CACNA2D3: variants seen among roughly 807,000 people sequenced by gnomAD.
CACNA2D3 encodes the protein voltage-dependent calcium channel subunit alpha-2/delta-3.
CACNA2D3 carries 60 observed loss-of-function variants against 160.6 expected under a neutral mutation model. That is an observed-to-expected ratio of 0.37 (90% CI 0.30 to 0.46). CACNA2D3 has a LOEUF of 0.46. CACNA2D3 is among the 20% of genes least tolerant of loss of function. CACNA2D3 has a pLI of 1.00. For missense variants in CACNA2D3, 1,205 were observed against 1,365.0 expected, an observed-to-expected ratio of 0.88 and a Z score of 1.85; for synonymous variants, 558 against 492.9, an observed-to-expected ratio of 1.13 and a Z score of -1.75.
intron 9 of CACNA2D3, among the ~76,000 whole-genome samples, chr3:54,601,413 GCCCAA>G (rs1703057945): frequency 6.6e-6 from 1 of 152,054 alleles, no homozygotes; most frequent in Admixed American, 6.6e-5. Flanking sequence ...CTGCTGTGTT[GCCCAA>G]GCTGGTCTGT....
chr3:54,189,789 C>T (rs530308527), intron 2 of CACNA2D3, among the ~76,000 whole-genome samples: 1 of 152,334 alleles, frequency 6.6e-6, no homozygotes, highest in East Asian at 1.9e-4. Context: ...TCTTCCCCAT[C>T]AGCTACAATT....
chr3:54,913,476 T>A (rs747402940), intron 27 of CACNA2D3, among the ~76,000 whole-genome samples: 20 of 152,216 alleles, frequency 1.3e-4, no homozygotes, highest in Non-Finnish European at 2.8e-4. Context: ...TTTTCTCAAA[T>A]AATTTCAAGA....
intron 3 of CACNA2D3, among the ~76,000 whole-genome samples, chr3:54,383,632 T>C (rs1380388387): frequency 6.6e-6 from 1 of 152,102 alleles, no homozygotes; most frequent in Admixed American, 6.5e-5. Context: ...CGGCAGCACA[T>C]GTACTAAAAT....
intron 12 of CACNA2D3, among the ~76,000 whole-genome samples, chr3:54,758,449 A>G (rs1282715706): frequency 3.9e-5 from 6 of 151,986 alleles, no homozygotes; most frequent in African/African-American, 1.4e-4. Context: ...CTCCAACACC[A>G]TGAATATGGG....
intron 2 of CACNA2D3, among the ~76,000 whole-genome samples, chr3:54,154,696 A>G (rs1477156694): frequency 6.6e-6 from 1 of 152,220 alleles, no homozygotes; most frequent in Non-Finnish European, 1.5e-5. Flanking sequence ...GAGTCTGGCC[A>G]AGTGAGGTTT....
chr3:55,073,939 TG>T, intron 37 of CACNA2D3, 80 bp downstream of exon 37: 1 of 1,257,688 alleles, frequency 8.0e-7, no homozygotes, highest in Non-Finnish European at 1.2e-6. Context: ...GAACTACAGC[TG>T]AAAAGTTCAC....
chr3:54,784,559 C>T (rs1702598342), intron 13 of CACNA2D3, among the ~76,000 whole-genome samples: 1 of 152,074 alleles, frequency 6.6e-6, no homozygotes, highest in South Asian at 2.1e-4. Flanking sequence ...TGCAAATGTT[C>T]ACCTCCAAAT....
intron 4 of CACNA2D3, among the ~76,000 whole-genome samples, chr3:54,464,623 C>T (rs918519723): frequency 1.2e-4 from 18 of 152,176 alleles, no homozygotes; most frequent in African/African-American, 2.7e-4. Flanking sequence ...TTAAGCCCGT[C>T]GGAAAAGGGC....
intron 3 of CACNA2D3, among the ~76,000 whole-genome samples, chr3:54,343,821 C>G (rs972106994): frequency 1.3e-5 from 2 of 152,168 alleles, no homozygotes; most frequent in Non-Finnish European, 2.9e-5. Flanking sequence ...TAGGATACAT[C>G]TCTGCAGTGC....
intron 35 of CACNA2D3, among the ~76,000 whole-genome samples, chr3:55,044,929 G>A (rs1361579582): frequency 6.6e-6 from 1 of 152,040 alleles, no homozygotes; most frequent in East Asian, 1.9e-4. Context: ...ACTGGTCTTG[G>A]ATTCTTGGGG....
chr3:54,885,999 G>A (rs1020620882), intron 23 of CACNA2D3, among the ~76,000 whole-genome samples: 6 of 152,118 alleles, frequency 3.9e-5, no homozygotes, highest in East Asian at 1.9e-4. Flanking sequence ...GGGTCACGAC[G>A]GGGACACGTA....
intron 35 of CACNA2D3, among the ~76,000 whole-genome samples, chr3:55,051,415 C>T (rs1052815359): frequency 2.6e-5 from 4 of 152,104 alleles, no homozygotes; most frequent in East Asian, 3.9e-4. Context: ...GTTAGGCTGC[C>T]CGGGCGTCAG....
intron 2 of CACNA2D3, among the ~76,000 whole-genome samples, chr3:54,234,299 C>G (rs1282307728): frequency 6.6e-6 from 1 of 152,118 alleles, no homozygotes; most frequent in African/African-American, 2.4e-5. Flanking sequence ...CATCTTACAC[C>G]AGTCAGAATA....
intron 2 of CACNA2D3, among the ~76,000 whole-genome samples, chr3:54,158,923 G>A (rs552255505): frequency 9.9e-5 from 15 of 152,208 alleles, no homozygotes; most frequent in East Asian, 1.9e-4. Context: ...AAGTATTGTC[G>A]TATGACTTAC....
intron 2 of CACNA2D3, among the ~76,000 whole-genome samples, chr3:54,193,455 AT>A (rs144571733): frequency 0.042 from 6,374 of 152,302 alleles, 162 homozygotes; most frequent in Admixed American, 0.086. Flanking sequence ...ATTGGATACT[AT>A]CATAATAGTA....
chr3:54,651,402 C>T (rs932942955), intron 11 of CACNA2D3, among the ~76,000 whole-genome samples: 6 of 142,542 alleles, frequency 4.2e-5, no homozygotes, highest in African/African-American at 1.6e-4. Flanking sequence ...GTGTACTGTG[C>T]GTTTTATCTT....
At chr3:54,500,690 C>A (rs1701281028) in intron 4 of CACNA2D3, among the ~76,000 whole-genome samples, 1 of 151,356 alleles carries the variant, frequency 6.6e-6, no homozygotes, top group Admixed American at 6.6e-5. Flanking sequence ...ATTTTCTCTC[C>A]TCTCTTAGCA....
intron 2 of CACNA2D3, among the ~76,000 whole-genome samples, chr3:54,251,208 G>T (rs116413830): frequency 1.3e-5 from 2 of 152,100 alleles, no homozygotes; most frequent in Non-Finnish European, 2.9e-5. Flanking sequence ...GAGGGATGGG[G>T]TGATATTGGG....
chr3:54,962,969 TA>T (rs1486054543), intron 27 of CACNA2D3, among the ~76,000 whole-genome samples: 1 of 152,252 alleles, frequency 6.6e-6, no homozygotes, highest in Non-Finnish European at 1.5e-5. Flanking sequence ...GTTTTATTTC[TA>T]ATTTTATATT....
Sources: gnomAD v4.1 joint callset for allele counts (sites outside exome capture counted in the v4.1 genomes callset) on GRCh38, gnomAD v4.1.1 for gene constraint, MANE v1.5 for transcripts, NCBI Gene and HGNC (gene_info 2026-07-23, HGNC 2026-07-21) for gene names.